Variants in EYS observed in about 807,000 individuals in gnomAD.
EYS encodes protein eyes shut homolog.
EYS carries 250 observed loss-of-function variants against 282.1 expected under a neutral mutation model. The ratio of observed to expected loss-of-function variants is 0.89; its 90% CI spans 0.80 to 0.98. The LOEUF is 0.98. Among genes scored for constraint, EYS ranks in the 50% least tolerant of loss-of-function variants. The pLI is 0.00. For missense variants in EYS, 4,016 were observed against 3,709.0 expected (o/e 1.08, Z -2.15); for synonymous variants, 1,355 against 1,282.9 (o/e 1.06, Z -1.20).
At chr6:63,824,921 A>T (rs1582244972) in intron 36 of EYS, among the ~76,000 whole-genome samples, 1 of 152,160 alleles carries the variant, frequency 6.6e-6, no homozygotes, top group South Asian at 2.1e-4. Flanking sequence ...AACTTGGGGG[A>T]GGGCGCCAAT....
intron 31 of EYS, among the ~76,000 whole-genome samples, chr6:64,175,474 T>C (rs970764983): frequency 5.3e-5 from 8 of 152,176 alleles, no homozygotes; most frequent in Non-Finnish European, 1.2e-4. Flanking sequence ...TGCTTCATTT[T>C]GCCCAACTGC....
chr6:65,537,041 C>T (rs1767985439), intron 2 of EYS, among the ~76,000 whole-genome samples: 1 of 152,070 alleles, frequency 6.6e-6, no homozygotes, highest in Non-Finnish European at 1.5e-5. Flanking sequence ...GTTCATGTCC[C>T]TTGCAGGGAC....
chr6:65,331,941 T>C (rs77011849), intron 11 of EYS: 6,963 of 162,802 alleles, frequency 0.043, 510 homozygotes, highest in African/African-American at 0.15. Flanking sequence ...TTTTGACTCT[T>C]TCGAACAAAA....
intron 29 of EYS, among the ~76,000 whole-genome samples, chr6:64,381,593 T>A (rs1442445577): frequency 6.6e-6 from 1 of 152,192 alleles, no homozygotes; most frequent in East Asian, 1.9e-4. Flanking sequence ...CTACTGTAAG[T>A]GGACGTTATT....
chr6:65,394,721 G>A (rs1474336844), intron 7 of EYS, among the ~76,000 whole-genome samples: 1 of 152,056 alleles, frequency 6.6e-6, no homozygotes, highest in Non-Finnish European at 1.5e-5. Context: ...ATCCCTCACT[G>A]TGTGGTTCTT....
intron 41 of EYS, among the ~76,000 whole-genome samples, chr6:63,737,854 T>C (rs1256977851): frequency 6.6e-6 from 1 of 151,876 alleles, no homozygotes. Flanking sequence ...AGGGCTAATA[T>C]CCAGAATCTA....
intron 26 of EYS, among the ~76,000 whole-genome samples, chr6:64,582,984 G>T (rs1211118445): frequency 6.6e-6 from 1 of 152,068 alleles, no homozygotes; most frequent in Non-Finnish European, 1.5e-5. Context: ...TTCATTGCTG[G>T]GTTAGTTCCA....
intron 11 of EYS, chr6:65,330,410 A>G (rs1769752127): frequency 2.0e-6 from 2 of 984,388 alleles, no homozygotes; most frequent in South Asian, 9.4e-5. Context: ...TGGTATTAAG[A>G]AATTAACATC....
intron 22 of EYS, among the ~76,000 whole-genome samples, chr6:64,798,350 G>A (rs1055322106): frequency 1.6e-4 from 25 of 151,754 alleles, no homozygotes; most frequent in Non-Finnish European, 3.5e-4. Flanking sequence ...AGAAGCTTAG[G>A]AGATATCAAA....
intron 14 of EYS, among the ~76,000 whole-genome samples, chr6:64,955,657 A>G (rs1340104496): frequency 6.6e-6 from 1 of 152,172 alleles, no homozygotes; most frequent in African/African-American, 2.4e-5. Context: ...TTGGCTCCCT[A>G]TCCCATGGGT....
intron 12 of EYS, among the ~76,000 whole-genome samples, chr6:65,067,427 C>G (rs1291145724): frequency 1.3e-5 from 2 of 151,908 alleles, no homozygotes; most frequent in Non-Finnish European, 2.9e-5. Context: ...AATTGACAAA[C>G]ACACCATTAA....
chr6:64,771,971 C>T (rs956323334), intron 22 of EYS, among the ~76,000 whole-genome samples: 12 of 151,570 alleles, frequency 7.9e-5, no homozygotes, highest in African/African-American at 1.5e-4. Flanking sequence ...TTTCATCTCT[C>T]GTGTAAATAG....
chr6:64,022,689 A>G (rs971344570), intron 33 of EYS, among the ~76,000 whole-genome samples: 2 of 152,208 alleles, frequency 1.3e-5, no homozygotes, highest in Non-Finnish European at 2.9e-5. Context: ...CTCCAACCTG[A>G]AACCAGTTTT....
chr6:64,895,818 T>C (rs116083934), intron 18 of EYS, among the ~76,000 whole-genome samples: 2,246 of 152,162 alleles, frequency 0.015, 75 homozygotes, highest in African/African-American at 0.052. Flanking sequence ...CTCATACTTA[T>C]ACATACAATA....
intron 26 of EYS, among the ~76,000 whole-genome samples, chr6:64,478,614 A>G (rs1054793562): frequency 6.6e-6 from 1 of 150,990 alleles, no homozygotes; most frequent in Non-Finnish European, 1.5e-5. Flanking sequence ...TAATATTTAT[A>G]TAGTCTACAC....
intron 4 of EYS, among the ~76,000 whole-genome samples, chr6:65,493,260 T>A (rs1766115693): frequency 6.6e-6 from 1 of 152,262 alleles, no homozygotes; most frequent in South Asian, 2.1e-4. Flanking sequence ...TTGGCTCCAA[T>A]GGAGTCAGCC....
chr6:65,308,928 G>A (rs1769082675), intron 11 of EYS, among the ~76,000 whole-genome samples: 3 of 152,014 alleles, frequency 2.0e-5, no homozygotes, highest in African/African-American at 7.2e-5. Context: ...GTGCTTGGGC[G>A]AATCAAACCT....
At chr6:64,738,683 C>A (rs893363612) in intron 22 of EYS, among the ~76,000 whole-genome samples, 1 of 152,018 alleles carries the variant, frequency 6.6e-6, no homozygotes, top group Middle Eastern at 3.2e-3. Flanking sequence ...TTATTTAAAA[C>A]AACAATAGTG....
At chr6:63,887,318 T>TG (rs61156720) in intron 35 of EYS, among the ~76,000 whole-genome samples, 15,360 of 146,278 alleles carry the variant, frequency 0.11, 1,487 homozygotes, top group African/African-American at 0.25. Flanking sequence ...AAAGGTGTTT[T>TG]TTTTTTTTTT....
Sources: allele counts gnomAD v4.1 joint callset (sites outside exome capture counted in the v4.1 genomes callset), GRCh38; gene constraint gnomAD v4.1.1; transcripts MANE v1.5; gene names NCBI Gene and HGNC (gene_info 2026-07-23, HGNC 2026-07-21).